Variants in PHTF1 observed in about 807,000 individuals in gnomAD.
The protein encoded by PHTF1 is putative homeodomain transcription factor 1, also known as protein PHTF1.
Under a neutral mutation model 102.4 loss-of-function variants are expected in PHTF1, and 88 were observed. The observed-to-expected ratio is 0.86, with a 90% CI of 0.72 to 1.03. The LOEUF (loss-of-function observed/expected upper bound fraction) is 1.03, where lower values mean the gene tolerates loss of function less well. Ranked by LOEUF, PHTF1 falls within the 50% of genes least tolerant of loss-of-function variation. The probability of loss-of-function intolerance (pLI) is 0.00; values close to 1 mark genes in which losing one functional copy is unlikely to be tolerated. For missense variants in PHTF1, 814 were observed against 909.5 expected (o/e 0.89, Z 1.35); for synonymous variants, 289 against 305.2 (o/e 0.95, Z 0.55).
At chr1:113,727,821 G>C (rs922506740) in intron 5 of PHTF1, among the ~76,000 whole-genome samples, 1 of 151,884 alleles carries the variant, frequency 6.6e-6, no homozygotes, top group Non-Finnish European at 1.5e-5. Flanking sequence ...AAAAAAATTA[G>C]CCAAACATGG....
chr1:113,718,790 C>T (rs1008457754), intron 7 of PHTF1, among the ~76,000 whole-genome samples: 5 of 152,200 alleles, frequency 3.3e-5, no homozygotes, highest in African/African-American at 1.2e-4. Flanking sequence ...CAAGGCTGCA[C>T]ACAGCATGGG....
chr1:113,735,945 T>C (rs772887922), intron 5 of PHTF1, among the ~76,000 whole-genome samples: 45 of 152,292 alleles, frequency 3.0e-4, no homozygotes, highest in South Asian at 6.2e-4. Context: ...GAGAATATAT[T>C]GGGTCCCTGC....
chr1:113,699,679 A>G, intron 17 of PHTF1, 25 bp downstream of exon 17: 1 of 901,748 alleles, frequency 1.1e-6, no homozygotes. Context: ...ATGATAGTAA[A>G]AGTGTATCAT....
intron 11 of PHTF1, among the ~76,000 whole-genome samples, chr1:113,709,332 T>C (rs1355479075): frequency 6.6e-6 from 1 of 152,228 alleles, no homozygotes. Context: ...TGAAAATGTA[T>C]AACCTAAATC....
chr1:113,726,013 A>C (rs551367231), intron 6 of PHTF1: 1 of 159,814 alleles, frequency 6.3e-6, no homozygotes, highest in Admixed American at 6.5e-5. Context: ...ATCAATTCTT[A>C]TTACACATCT....
chr1:113,732,304 T>C (rs1308322611), intron 5 of PHTF1, among the ~76,000 whole-genome samples: 1 of 152,178 alleles, frequency 6.6e-6, no homozygotes, highest in Non-Finnish European at 1.5e-5. Context: ...AAGACCAGCA[T>C]GGTCAACATG....
At chr1:113,728,754 T>A (rs190429206) in intron 5 of PHTF1, among the ~76,000 whole-genome samples, 4 of 152,026 alleles carry the variant, frequency 2.6e-5, no homozygotes, top group Admixed American at 2.6e-4. Flanking sequence ...ACTAAAAATA[T>A]AAAAATTTGC....
intron 2 of PHTF1, among the ~76,000 whole-genome samples, chr1:113,758,249 A>G (rs937590444): frequency 2.0e-5 from 3 of 151,542 alleles, no homozygotes; most frequent in Admixed American, 1.3e-4. Flanking sequence ...AAAAAAAAAA[A>G]AAAAAATCCA....
At chr1:113,713,656 T>G in intron 7 of PHTF1, 1 of 481,398 alleles carries the variant, frequency 2.1e-6, no homozygotes, top group Non-Finnish European at 3.7e-6. Context: ...CTCATGTCAA[T>G]TAACTGAAAG....
intron 2 of PHTF1, among the ~76,000 whole-genome samples, 163 bp from the exon 3 acceptor site, chr1:113,757,918 T>G (rs1659121803): frequency 6.6e-6 from 1 of 152,202 alleles, no homozygotes; most frequent in Admixed American, 6.5e-5. Flanking sequence ...GACTGTTTCC[T>G]TCAAAAATCT....
intron 3 of PHTF1, among the ~76,000 whole-genome samples, chr1:113,755,581 A>T (rs1658733567): frequency 6.6e-6 from 1 of 152,220 alleles, no homozygotes; most frequent in Non-Finnish European, 1.5e-5. Context: ...AATATGCATG[A>T]TGGATAGGGT....
chr1:113,731,561 G>A (rs966945865), intron 5 of PHTF1, among the ~76,000 whole-genome samples: 7 of 150,018 alleles, frequency 4.7e-5, no homozygotes, highest in East Asian at 2.0e-4. Context: ...AAGAAAGAAA[G>A]AAAAAAATCC....
intron 5 of PHTF1, 75 bp downstream of exon 5, chr1:113,738,035 C>T: frequency 3.0e-6 from 3 of 1,001,862 alleles, no homozygotes; most frequent in Admixed American, 2.0e-5. Flanking sequence ...AATGTAAAAT[C>T]AGTAGGTCTT....
At chr1:113,742,533 A>G (rs2101630418) in intron 3 of PHTF1, among the ~76,000 whole-genome samples, 1 of 152,152 alleles carries the variant, frequency 6.6e-6, no homozygotes, top group African/African-American at 2.4e-5. Flanking sequence ...CTGAGGCAGG[A>G]TCACTTGAGC....
At position 113,696,946 on chromosome 1, in the gene PHTF1, T is replaced by C. The variant is rs758767495; in HGVS notation, c.*759A>G. Reference sequence around the variant, plus strand: ...TAGGAACCACAACTCAGATGATCTATATGGAAACAATGCTTCCATGGCTTC... The same window carrying C: ...TAGGAACCACAACTCAGATGATCTACATGGAAACAATGCTTCCATGGCTTC... On this transcript the variant is annotated 3_prime_UTR_variant, in exon 19 of 19. Coordinates refer to ENST00000369604, the MANE Select transcript of PHTF1 (RefSeq NM_001323043.2). 1 of 152,214 alleles carries C rather than the reference T, an allele frequency of 6.6e-6. No homozygotes were observed. Among genetic ancestry groups the C allele is most frequent in the Non-Finnish European group, 1.5e-5 (1 of 68,044 alleles). 9.4% of individuals were successfully genotyped at this position (152,214 alleles called of 1,614,324 possible).
chr1:113,754,699 T>C (rs953471408), intron 3 of PHTF1, among the ~76,000 whole-genome samples: 2 of 152,194 alleles, frequency 1.3e-5, no homozygotes, highest in East Asian at 1.9e-4. Flanking sequence ...AAATATTCCA[T>C]AGATTTTATT....
At chr1:113,746,820 T>C (rs904584012) in intron 3 of PHTF1, 1 of 850,904 alleles carries the variant, frequency 1.2e-6, no homozygotes, top group Non-Finnish European at 1.4e-6. Flanking sequence ...TATTACAAGG[T>C]TAATAAAAAA....
intron 7 of PHTF1, 132 bp from the exon 8 acceptor site, chr1:113,713,570 T>G: frequency 1.6e-6 from 1 of 616,376 alleles, no homozygotes; most frequent in Non-Finnish European, 2.8e-6. Flanking sequence ...TTTCAGGACT[T>G]TAGCTTGCTA....
rs565496193 is a variant in PHTF1, at chr1:113,700,467, A to G, written c.2046+327T>C. 3.9e-5 allele frequency among the ~76,000 whole-genome samples: 6 copies of G among 152,350 alleles called. No homozygotes were observed. In the South Asian group the frequency reaches 1.2e-3, roughly 32 times the overall value. On this transcript the variant is annotated intron_variant, in intron 16 of 18. Coordinates refer to ENST00000369604, the MANE Select transcript of PHTF1 (RefSeq NM_001323043.2). ...CAGAAGAATTCAAGAAGCTTATTAT[A>G]CATGCTAAATGACAAGTACTCTAAA...
Sources: allele counts gnomAD v4.1 joint callset (sites outside exome capture counted in the v4.1 genomes callset), GRCh38; gene constraint gnomAD v4.1.1; transcripts MANE v1.5; gene names NCBI Gene and HGNC (gene_info 2026-07-23, HGNC 2026-07-21).